Variants in FAM107B observed in about 807,000 individuals in gnomAD.
FAM107B encodes protein FAM107B.
Under a neutral mutation model 31.5 loss-of-function variants are expected in FAM107B, and 21 were observed. That is an observed-to-expected ratio of 0.67 (90% CI 0.47 to 0.96). The LOEUF (loss-of-function observed/expected upper bound fraction) is 0.96. Ranked by LOEUF, FAM107B falls within the 40% of genes least tolerant of loss-of-function variation. The pLI, the probability that FAM107B is intolerant of heterozygous loss-of-function variation, is 0.00. For synonymous variants in FAM107B, 157 were observed against 141.5 expected, an observed-to-expected ratio of 1.11 and a Z score of -0.78; for missense variants, 452 against 377.1, an observed-to-expected ratio of 1.20 and a Z score of -1.64.
intron 1 of FAM107B, among the ~76,000 whole-genome samples, chr10:14,722,173 A>G (rs996346462): frequency 1.3e-5 from 2 of 152,180 alleles, no homozygotes; most frequent in African/African-American, 4.8e-5. Context: ...GAAACCTCAC[A>G]CCTATTAGCA....
chr10:14,553,593 A>G (rs1409777770), intron 2 of FAM107B: 1 of 313,034 alleles, frequency 3.2e-6, no homozygotes, highest in African/African-American at 2.2e-5. Context: ...AACTGGGCAA[A>G]AAGAGTAGGG....
chr10:14,595,212 G>C (rs899422015), intron 2 of FAM107B, among the ~76,000 whole-genome samples: 3 of 152,116 alleles, frequency 2.0e-5, no homozygotes. Flanking sequence ...TGGGTGAATT[G>C]TATGGAATAT....
intron 1 of FAM107B, among the ~76,000 whole-genome samples, chr10:14,731,470 G>A (rs1455023206): frequency 6.6e-6 from 1 of 152,214 alleles, no homozygotes; most frequent in Non-Finnish European, 1.5e-5. Context: ...GCTGAGACAG[G>A]AGGATCACTT....
chr10:14,602,936 A>G (rs542731706), intron 2 of FAM107B: 1 of 152,108 alleles, frequency 6.6e-6, no homozygotes, highest in African/African-American at 2.4e-5. Flanking sequence ...TATCATGATT[A>G]AATATATTTT....
intron 2 of FAM107B, among the ~76,000 whole-genome samples, chr10:14,632,627 AAG>A (rs1853396579): frequency 6.6e-6 from 1 of 151,732 alleles, no homozygotes; most frequent in African/African-American, 2.4e-5. Flanking sequence ...AAAAAAAAAA[AAG>A]AGAATTCAGA....
intron 2 of FAM107B, among the ~76,000 whole-genome samples, chr10:14,586,990 T>C (rs978044647): frequency 2.0e-5 from 3 of 152,220 alleles, no homozygotes; most frequent in African/African-American, 7.2e-5. Flanking sequence ...GAGAATGGAA[T>C]AGTCTCGCCC....
Position 14,583,336 on chromosome 10 carries a change from C to T in FAM107B, c.470-52821G>A, listed in dbSNP as rs573194384. 3.3e-5 allele frequency among the ~76,000 whole-genome samples: 5 copies of T among 152,094 alleles called. No individual in the cohort carries two copies. The East Asian group carries it at 5.8e-4, about 18-fold the overall frequency. ...TCTTATTTGAGAGTCAGGGCCCTCG[C>T]GGGGCAGAGTCGGAGATGAAGATAC... On this transcript the variant is annotated intron_variant, in intron 2 of 4. Transcript: ENST00000181796.
chr10:14,749,092 C>T (rs763930193), intron 1 of FAM107B, among the ~76,000 whole-genome samples: 19 of 152,184 alleles, frequency 1.2e-4, no homozygotes, highest in Non-Finnish European at 2.4e-4. Flanking sequence ...CTGGTGTGCT[C>T]GGAGTTCAGC....
rs566847150 is a variant in FAM107B, at chr10:14,655,238, A to T, written c.469+12396T>A. 2.6e-3 allele frequency among the ~76,000 whole-genome samples: 401 copies of T among 152,350 alleles called. 3 individuals are homozygous for T. The highest frequency in any genetic ancestry group is 9.5e-3 in the African/African-American group (396 of 41,572). On this transcript the variant is annotated intron_variant, in intron 2 of 4. Coordinates refer to ENST00000181796, the MANE Select transcript of FAM107B (RefSeq NM_031453.4). ...AGAAGGATCTGCACTTATGACCAAAACACCTCCCTTTAGTCCCCACCTCCA... is the reference window on the plus strand; with the variant it reads ...AGAAGGATCTGCACTTATGACCAAATCACCTCCCTTTAGTCCCCACCTCCA...
Position 14,586,866 on chromosome 10 carries a change from T to C in FAM107B, c.470-56351A>G, listed in dbSNP as rs147247932. On this transcript the variant is annotated intron_variant, in intron 2 of 4. Transcript: ENST00000181796. ...CCAGGTTCCTAACCTGTCTCTGTAT[T>C]CTACCACTGCTTATCAAACTAGGCT... Among the ~76,000 whole-genome samples, 563 of 152,284 alleles carry C rather than the reference T, an allele frequency of 3.7e-3. 15 individuals carry two copies. Among genetic ancestry groups the C allele is most frequent in the Admixed American group, 0.034 (522 of 15,292 alleles).
intron 1 of FAM107B, among the ~76,000 whole-genome samples, chr10:14,721,036 G>A (rs1025184893): frequency 4.7e-5 from 7 of 150,534 alleles, no homozygotes; most frequent in African/African-American, 1.5e-4. Flanking sequence ...GACGTTCCCC[G>A]CCCCGTGTTC....
chr10:14,606,216 T>A (rs1248604207), intron 2 of FAM107B, among the ~76,000 whole-genome samples: 1 of 152,110 alleles, frequency 6.6e-6, no homozygotes, highest in Admixed American at 6.5e-5. Flanking sequence ...TATATGGCCT[T>A]GTCATGCTCT....
intron 1 of FAM107B, among the ~76,000 whole-genome samples, chr10:14,725,895 G>A (rs1456952084): frequency 3.0e-5 from 4 of 132,388 alleles, no homozygotes; most frequent in Non-Finnish European, 3.1e-5. Flanking sequence ...GCACGATCTC[G>A]GCTCACTGCA....
chr10:14,682,690 A>G (rs961820201), intron 1 of FAM107B, among the ~76,000 whole-genome samples: 47 of 152,238 alleles, frequency 3.1e-4, no homozygotes, highest in Non-Finnish European at 1.2e-4. Flanking sequence ...GAGTTGAACA[A>G]TGAGAACACA....
intron 1 of FAM107B, among the ~76,000 whole-genome samples, chr10:14,673,235 C>T (rs1398101125): frequency 6.6e-6 from 1 of 152,036 alleles, no homozygotes; most frequent in Non-Finnish European, 1.5e-5. Flanking sequence ...GAAACTATTC[C>T]TTCTATCTGG....
intron 2 of FAM107B, among the ~76,000 whole-genome samples, chr10:14,531,889 C>A (rs1847061355): frequency 6.6e-6 from 1 of 152,128 alleles, no homozygotes; most frequent in Admixed American, 6.6e-5. Context: ...TTGCGCCTCA[C>A]ATAACTTACT....
chr10:14,583,513 T>C (rs1379660258), intron 2 of FAM107B, among the ~76,000 whole-genome samples: 1 of 152,148 alleles, frequency 6.6e-6, no homozygotes, highest in East Asian at 1.9e-4. Context: ...AGCTGAGTAT[T>C]CTTTCACCTG....
chr10:14,553,330 T>C, intron 2 of FAM107B: 1 of 1,267,366 alleles, frequency 7.9e-7, no homozygotes, highest in Non-Finnish European at 1.0e-6. Context: ...ACTAAAATAC[T>C]TTGTAAAGCA....
intron 1 of FAM107B, among the ~76,000 whole-genome samples, chr10:14,690,341 C>G (rs1588708149): frequency 6.6e-6 from 1 of 152,226 alleles, no homozygotes; most frequent in Non-Finnish European, 1.5e-5. Context: ...TTTCTGCTTC[C>G]TCCCCTCATC....
Sources: allele counts gnomAD v4.1 joint callset (sites outside exome capture counted in the v4.1 genomes callset), GRCh38; gene constraint gnomAD v4.1.1; transcripts MANE v1.5; gene names NCBI Gene and HGNC (gene_info 2026-07-23, HGNC 2026-07-21).